Variants in KAT6B observed in about 807,000 individuals in gnomAD.
The protein encoded by KAT6B is lysine acetyltransferase 6B, also known as histone acetyltransferase KAT6B.
In KAT6B, 10 loss-of-function variants were observed where a neutral mutation model predicts 187.5. The observed-to-expected ratio is 0.05, with a 90% confidence interval of 0.03 to 0.09. The LOEUF (loss-of-function observed/expected upper bound fraction) is 0.09. Ranked by LOEUF, KAT6B falls within the 10% of genes least tolerant of loss-of-function variation. The pLI is 1.00. For synonymous variants in KAT6B, 861 were observed against 926.8 expected (o/e 0.93, Z 1.29); for missense variants, 1,952 against 2,558.9 (o/e 0.76, Z 5.12).
chr10:75,012,713 G>A (rs1437857556), intron 13 of KAT6B, among the ~76,000 whole-genome samples: 4 of 152,116 alleles, frequency 2.6e-5, no homozygotes, highest in Admixed American at 2.6e-4. Flanking sequence ...TTCCCTGGGG[G>A]ACTGACATGC....
chr10:75,007,036 C>A (rs1844251976), intron 13 of KAT6B, among the ~76,000 whole-genome samples: 1 of 150,214 alleles, frequency 6.7e-6, no homozygotes, highest in African/African-American at 2.5e-5. Flanking sequence ...CCACTGTACT[C>A]CAGCCTGGGC....
At chr10:74,987,921 G>A (rs1259576172) in intron 12 of KAT6B, among the ~76,000 whole-genome samples, 2 of 152,198 alleles carry the variant, frequency 1.3e-5, no homozygotes, top group Non-Finnish European at 2.9e-5. Context: ...CACATCCAGT[G>A]AGGGACAATT....
chr10:74,829,456 GT>G lies in KAT6B; in HGVS notation c.-329+2687del, dbSNP rs370039190. 2.1e-3 allele frequency among the ~76,000 whole-genome samples: 295 copies of G among 140,008 alleles called. 1 individual carries two copies. The highest frequency in any genetic ancestry group is 7.4e-3 in the Middle Eastern group (2 of 272). The allele number at this position is 140,008 out of a possible 152,430, so 91.9% of individuals were successfully genotyped here. ...ATTTGTACTGAGAGAAAAGGAAATA[GT>G]TTTTTTTTTTTTTTTGAGACAGTCT... On this transcript the variant is annotated intron_variant, in intron 1 of 17. Coordinates refer to ENST00000287239, the MANE Select transcript of KAT6B (RefSeq NM_012330.4).
intron 9 of KAT6B, 139 bp downstream of exon 9, chr10:74,977,576 T>C: frequency 9.3e-7 from 1 of 1,070,334 alleles, no homozygotes; most frequent in Non-Finnish European, 1.4e-6. Context: ...TGCCCATTTC[T>C]ACTGACTGTA....
At chr10:74,944,037 T>G (rs557205158) in intron 3 of KAT6B, among the ~76,000 whole-genome samples, 10 of 152,272 alleles carry the variant, frequency 6.6e-5, no homozygotes, top group Middle Eastern at 3.4e-3. Flanking sequence ...GTATGGGATA[T>G]TTAGTAAGGG....
Position 74,867,120 on chromosome 10 carries a change from G to C in KAT6B, c.621+23642G>C, listed in dbSNP as rs1843607765. Among the ~76,000 whole-genome samples the C allele has an allele frequency of 2.0e-5, 3 of 152,162 alleles. No individual in the cohort carries two copies. In the South Asian group the frequency reaches 6.2e-4, roughly 32 times the overall value. On this transcript the variant is annotated intron_variant, in intron 3 of 17. Transcript: ENST00000287239. ...GAGCTAGCTGCATGGTTAGCTGCGTGATGTCCTGGCTTAGGGCAGATGTCA... is the reference window on the plus strand; with the variant it reads ...GAGCTAGCTGCATGGTTAGCTGCGTCATGTCCTGGCTTAGGGCAGATGTCA...
At chr10:74,871,457 T>C (rs1284579934) in intron 3 of KAT6B, among the ~76,000 whole-genome samples, 1 of 152,180 alleles carries the variant, frequency 6.6e-6, no homozygotes, top group Non-Finnish European at 1.5e-5. Context: ...CTTCCCAAAG[T>C]GTTGGGATTA....
rs575315769 is a variant in KAT6B at position 74,920,537 on chromosome 10, G to A, written c.622-39433G>A. On this transcript the variant is annotated intron_variant, in intron 3 of 17. Transcript: ENST00000287239. ...TAGAAGAGTGCCTCCAGCATTTATT[G>A]CCTAAACATGACAGCTGAGTATTTT... 3.4e-4 allele frequency among the ~76,000 whole-genome samples: 51 copies of A among 152,106 alleles called. 1 individual carries two copies. Among genetic ancestry groups the A allele is most frequent in the African/African-American group, 1.2e-3 (48 of 41,494 alleles).
Position 74,941,201 on chromosome 10 carries a change from G to A in KAT6B, c.622-18769G>A, listed in dbSNP as rs11001212. 2.1e-3 allele frequency among the ~76,000 whole-genome samples: 320 copies of A among 152,318 alleles called. 6 individuals carry two copies. The East Asian group carries it at 0.037, about 18-fold the overall frequency. On this transcript the variant is annotated intron_variant, in intron 3 of 17. Coordinates refer to ENST00000287239, the MANE Select transcript of KAT6B (RefSeq NM_012330.4). Reference sequence around the variant, plus strand: ...CCCAGATCCCAGGAGTGATGTGCATGTGGCATATCACCAGGCTGAATGAGC... The same window carrying A: ...CCCAGATCCCAGGAGTGATGTGCATATGGCATATCACCAGGCTGAATGAGC...
intron 13 of KAT6B, among the ~76,000 whole-genome samples, chr10:75,012,723 C>CA (rs1844702147): frequency 6.6e-6 from 1 of 152,186 alleles, no homozygotes; most frequent in Non-Finnish European, 1.5e-5. Flanking sequence ...GACTGACATG[C>CA]AGAATGACCA....
intron 3 of KAT6B, among the ~76,000 whole-genome samples, chr10:74,926,349 G>A (rs1034744825): frequency 6.6e-6 from 1 of 152,190 alleles, no homozygotes; most frequent in Non-Finnish European, 1.5e-5. Flanking sequence ...AGCTACTTGG[G>A]AGGCTGAGGC....
chr10:74,878,512 C>T (rs994414659), intron 3 of KAT6B, among the ~76,000 whole-genome samples: 7 of 149,782 alleles, frequency 4.7e-5, no homozygotes, highest in East Asian at 4.0e-4. Context: ...CCCAGCTACT[C>T]GGGAGGCTGA....
chr10:74,974,704 A>G (rs552914551), intron 7 of KAT6B, among the ~76,000 whole-genome samples: 1 of 152,316 alleles, frequency 6.6e-6, no homozygotes, highest in Admixed American at 6.5e-5. Context: ...TCTCCATGTC[A>G]TGTCTGACCC....
chr10:74,830,744 ATATATATATATATATATATATATATTTTT>A (rs1840707314), intron 1 of KAT6B, among the ~76,000 whole-genome samples: 1 of 15,030 alleles, frequency 6.7e-5, no homozygotes, highest in Non-Finnish European at 1.0e-4. Flanking sequence ...ATATATATAT[ATATATATATATATATATATATATATTTTT>A]TTTTTTTTTT....
At chr10:74,860,043 T>A (rs1843072194) in intron 3 of KAT6B, among the ~76,000 whole-genome samples, 1 of 152,200 alleles carries the variant, frequency 6.6e-6, no homozygotes, top group Admixed American at 6.5e-5. Flanking sequence ...TCAGTTGTTT[T>A]TTATTTTTTA....
intron 13 of KAT6B, among the ~76,000 whole-genome samples, chr10:74,999,513 G>T (rs868666251): frequency 6.6e-6 from 1 of 152,182 alleles, no homozygotes; most frequent in Non-Finnish European, 1.5e-5. Flanking sequence ...TGAGGAGCTC[G>T]CCAAGGAAAT....
chr10:74,846,331 T>G (rs1842097656), intron 3 of KAT6B, among the ~76,000 whole-genome samples: 1 of 152,238 alleles, frequency 6.6e-6, no homozygotes. Flanking sequence ...AACATTTGTT[T>G]AAAAGAAAAT....
At chr10:74,853,358 G>A (rs1320316357) in intron 3 of KAT6B, among the ~76,000 whole-genome samples, 1 of 151,072 alleles carries the variant, frequency 6.6e-6, no homozygotes, top group Non-Finnish European at 1.5e-5. Context: ...GTGTAATCAT[G>A]GTTCACTGCA....
At chr10:75,027,227 C>T (rs1426590760) in intron 17 of KAT6B, among the ~76,000 whole-genome samples, 2 of 152,186 alleles carry the variant, frequency 1.3e-5, no homozygotes, top group East Asian at 3.8e-4. Flanking sequence ...ACTCTTAACT[C>T]GGGCATGGTA....
Sources: gnomAD v4.1 joint callset for allele counts (sites outside exome capture counted in the v4.1 genomes callset) on GRCh38, gnomAD v4.1.1 for gene constraint, MANE v1.5 for transcripts, NCBI Gene and HGNC (gene_info 2026-07-23, HGNC 2026-07-21) for gene names.